Variants in PTPRD observed in about 807,000 individuals in gnomAD.
PTPRD encodes the protein protein tyrosine phosphatase receptor type D, also known as receptor-type tyrosine-protein phosphatase delta.
A neutral mutation model predicts 214.5 loss-of-function variants in PTPRD; 34 were observed. The observed-to-expected ratio is 0.16, with a 90% CI of 0.12 to 0.21. The LOEUF is 0.21. Ranked by LOEUF, PTPRD falls within the 10% of genes least tolerant of loss-of-function variation. The pLI is 1.00. For missense variants in PTPRD, 2,545 were observed against 2,398.7 expected (o/e 1.06, Z -1.27); for synonymous variants, 1,128 against 845.7 (o/e 1.33, Z -5.79).
chr9:9,735,564 T>A (rs2098277931), intron 6 of PTPRD, among the ~76,000 whole-genome samples: 1 of 152,098 alleles, frequency 6.6e-6, no homozygotes, highest in Non-Finnish European at 1.5e-5. Context: ...TGGGCCAGAA[T>A]AATCTCCATA....
chr9:8,481,890 C>T (rs2096894207), intron 30 of PTPRD, among the ~76,000 whole-genome samples: 1 of 152,184 alleles, frequency 6.6e-6, no homozygotes, highest in African/African-American at 2.4e-5. Context: ...TCAAGCGATT[C>T]TCCCGCCTCA....
At chr9:8,641,620 C>CTGT (rs2096578206) in intron 12 of PTPRD, among the ~76,000 whole-genome samples, 1 of 133,230 alleles carries the variant, frequency 7.5e-6, no homozygotes, top group African/African-American at 4.1e-5. Context: ...GAGACATGGC[C>CTGT]GATATTCTAG....
chr9:8,553,557 T>C (rs1056304549), intron 14 of PTPRD, among the ~76,000 whole-genome samples: 2 of 152,102 alleles, frequency 1.3e-5, no homozygotes, highest in African/African-American at 4.8e-5. Context: ...CAGGAGATAG[T>C]AATAATAAAT....
intron 12 of PTPRD, among the ~76,000 whole-genome samples, chr9:8,661,759 A>G (rs781615560): frequency 1.3e-4 from 20 of 151,428 alleles, no homozygotes; most frequent in Non-Finnish European, 1.9e-4. Flanking sequence ...TTCTCCAACC[A>G]TTGACACTTA....
At chr9:9,403,421 TTC>T (rs150192743) in intron 8 of PTPRD, among the ~76,000 whole-genome samples, 2 of 149,786 alleles carry the variant, frequency 1.3e-5, no homozygotes, top group South Asian at 4.2e-4. Context: ...CTCTCTCTCT[TTC>T]TCTCTCTCTC....
intron 39 of PTPRD, among the ~76,000 whole-genome samples, chr9:8,346,499 A>T (rs966327608): frequency 2.0e-5 from 3 of 152,126 alleles, no homozygotes; most frequent in Non-Finnish European, 2.9e-5. Flanking sequence ...TTTCAATGAC[A>T]TACTTTTCTG....
At chr9:9,258,833 A>T (rs1386756260) in intron 9 of PTPRD, among the ~76,000 whole-genome samples, 16 of 151,886 alleles carry the variant, frequency 1.1e-4, no homozygotes, top group Non-Finnish European at 1.0e-4. Flanking sequence ...AACTTCAAAA[A>T]ACTATTTCCA....
At chr9:9,171,683 GA>G (rs1157322773) in intron 10 of PTPRD, among the ~76,000 whole-genome samples, 1 of 151,632 alleles carries the variant, frequency 6.6e-6, no homozygotes, top group Non-Finnish European at 1.5e-5. Context: ...TATTGATGAG[GA>G]AAAAACTACT....
intron 2 of PTPRD, among the ~76,000 whole-genome samples, chr9:10,505,104 A>G (rs1003325567): frequency 2.0e-5 from 3 of 152,222 alleles, no homozygotes; most frequent in Non-Finnish European, 2.9e-5. Flanking sequence ...AAAACCTTAA[A>G]GTGAACAGGC....
At chr9:8,470,813 G>C (rs2096638203) in intron 31 of PTPRD, among the ~76,000 whole-genome samples, 182 bp downstream of exon 31, 1 of 152,070 alleles carries the variant, frequency 6.6e-6, no homozygotes, top group South Asian at 2.1e-4. Context: ...TTTAATTAAA[G>C]CCAAAGGATC....
intron 2 of PTPRD, among the ~76,000 whole-genome samples, chr9:10,510,991 A>G (rs2047829999): frequency 6.6e-6 from 1 of 152,086 alleles, no homozygotes; most frequent in South Asian, 2.1e-4. Context: ...ATGTAACATA[A>G]TGTTCTCCAC....
At chr9:9,032,236 T>C (rs886426510) in intron 10 of PTPRD, among the ~76,000 whole-genome samples, 4 of 151,952 alleles carry the variant, frequency 2.6e-5, no homozygotes, top group African/African-American at 9.7e-5. Flanking sequence ...AACGCCACAT[T>C]CTGAAAGTGA....
intron 12 of PTPRD, among the ~76,000 whole-genome samples, chr9:8,647,671 G>A (rs901271547): frequency 6.6e-6 from 1 of 152,064 alleles, no homozygotes; most frequent in East Asian, 1.9e-4. Context: ...ATTCAAAAAA[G>A]TATATTTTTA....
Position 9,111,861 on chromosome 9 carries a change from T to C in PTPRD, c.-143+71443A>G, listed in dbSNP as rs77522192. On this transcript the variant is annotated intron_variant, in intron 10 of 45. Coordinates refer to ENST00000381196, the MANE Select transcript of PTPRD (RefSeq NM_002839.4). The stretch of plus-strand genomic sequence containing the variant: ...CCTTTACTTTTTTCTCTATTTCCAC[T>C]GCATGATACAAAACAAAACAAGAAA... 7.8e-4 allele frequency among the ~76,000 whole-genome samples: 119 copies of C among 152,260 alleles called. 4 individuals carry two copies. In the East Asian group the frequency reaches 0.022, roughly 28 times the overall value.
chr9:10,511,948 GTGTGTGTATATATA>G (rs1589788207), intron 2 of PTPRD, among the ~76,000 whole-genome samples: 2 of 65,612 alleles, frequency 3.0e-5, no homozygotes, highest in Non-Finnish European at 6.4e-5. Context: ...ATATATATAC[GTGTGTGTATATATA>G]TATACGTGTG....
At chr9:9,715,044 C>T (rs186165304) in intron 7 of PTPRD, among the ~76,000 whole-genome samples, 255 of 152,240 alleles carry the variant, frequency 1.7e-3, no homozygotes, top group African/African-American at 5.7e-3. Context: ...CAGAATTTAG[C>T]TGTGGTTTCG....
At chr9:10,363,990 G>GGTTTTTTT (rs1278258264) in intron 2 of PTPRD, among the ~76,000 whole-genome samples, 4,073 of 20,602 alleles carry the variant, frequency 0.2, 982 homozygotes, top group African/African-American at 0.41. Context: ...CACATTTTCG[G>GGTTTTTTT]GTTTTTTTTT....
intron 2 of PTPRD, among the ~76,000 whole-genome samples, chr9:10,354,008 T>G (rs895648235): frequency 6.6e-6 from 1 of 152,112 alleles, no homozygotes; most frequent in African/African-American, 2.4e-5. Flanking sequence ...TGAACTTCCA[T>G]GCACTCAAAA....
At chr9:10,096,316 T>C (rs1204454815) in intron 3 of PTPRD, among the ~76,000 whole-genome samples, 3 of 151,696 alleles carry the variant, frequency 2.0e-5, no homozygotes, top group African/African-American at 7.3e-5. Flanking sequence ...GTGTGAAACA[T>C]TCTCTATACA....
Sources: gnomAD v4.1 joint callset for allele counts (sites outside exome capture counted in the v4.1 genomes callset) on GRCh38, gnomAD v4.1.1 for gene constraint, MANE v1.5 for transcripts, NCBI Gene and HGNC (gene_info 2026-07-23, HGNC 2026-07-21) for gene names.